The following ADAM9 variants were observed in gnomAD, a reference collection of about 807,000 sequenced individuals.
ADAM9 encodes the protein disintegrin and metalloproteinase domain-containing protein 9.
In ADAM9, 54 loss-of-function variants were observed where a neutral mutation model predicts 108.1. The observed-to-expected ratio is 0.50, with a 90% CI of 0.40 to 0.63. The LOEUF (loss-of-function observed/expected upper bound fraction) is 0.63. ADAM9 is among the 20% of genes least tolerant of loss of function. The pLI is 0.00. For synonymous variants in ADAM9, 316 were observed against 336.0 expected (o/e 0.94, Z 0.65); for missense variants, 830 against 997.7 (o/e 0.83, Z 2.26).
At chr8:39,011,923 C>G (rs532976167) in intron 3 of ADAM9, among the ~76,000 whole-genome samples, 39 of 152,274 alleles carry the variant, frequency 2.6e-4, no homozygotes, top group African/African-American at 8.7e-4. Context: ...CCAAGTACCT[C>G]CAGTTTATTC....
chr8:39,026,469 C>T (rs1836925510), intron 10 of ADAM9, among the ~76,000 whole-genome samples: 1 of 152,184 alleles, frequency 6.6e-6, no homozygotes, highest in Non-Finnish European at 1.5e-5. Context: ...TGACCTCTTG[C>T]TTGAAGGATC....
chr8:38,997,019 G>A lies in ADAM9; in HGVS notation c.-45G>A. Reference sequence around the variant, plus strand: ...TTGGAAAATGATGGAAGAGGCGGAGGTGGAGGCGACCGAGTGCTGAGAGGA... The same window carrying A: ...TTGGAAAATGATGGAAGAGGCGGAGATGGAGGCGACCGAGTGCTGAGAGGA... On this transcript the variant is annotated 5_prime_UTR_variant, in exon 1 of 22. The change creates a new upstream start codon in the 5' untranslated region. Transcript: ENST00000487273. The A allele has an allele frequency of 6.3e-7, 1 of 1,594,682 alleles. No homozygotes were observed. The highest frequency in any genetic ancestry group is 8.5e-7 in the Non-Finnish European group (1 of 1,175,618).
intron 14 of ADAM9, among the ~76,000 whole-genome samples, chr8:39,060,344 C>T (rs1208868017): frequency 6.6e-6 from 1 of 152,218 alleles, no homozygotes; most frequent in Non-Finnish European, 1.5e-5. Flanking sequence ...AGCAGCAGAG[C>T]ATCTTGCCTG....
chr8:39,025,030 A>G (rs904087403), intron 9 of ADAM9, among the ~76,000 whole-genome samples: 1 of 152,078 alleles, frequency 6.6e-6, no homozygotes, highest in Non-Finnish European at 1.5e-5. Flanking sequence ...CGGAGGGAAC[A>G]GGTGCTGAGG....
chr8:39,054,602 G>GA lies in ADAM9; in HGVS notation c.1395+49dup, dbSNP rs755442483. ...AGGAATTCCTCCCTTTTGGAAACAGGAAAAAAAAAAAAAAAAAAAAGAAAA... is the reference window on the plus strand; with the variant it reads ...AGGAATTCCTCCCTTTTGGAAACAGGAAAAAAAAAAAAAAAAAAAAAGAAAA... On this transcript the variant is annotated intron_variant, in intron 13 of 21. Coordinates refer to ENST00000487273, the MANE Select transcript of ADAM9 (RefSeq NM_003816.3). 0.29 allele frequency: 268,262 copies of GA among 930,938 alleles called. 11,673 individuals are homozygous for GA. Among genetic ancestry groups the GA allele is most frequent in the East Asian group, 0.36 (10,461 of 29,352 alleles). The allele number at this position is 930,938 out of a possible 1,614,324, so 57.7% of individuals were successfully genotyped here.
At chr8:39,044,051 T>C (rs1837535951) in intron 12 of ADAM9, among the ~76,000 whole-genome samples, 1 of 152,224 alleles carries the variant, frequency 6.6e-6, no homozygotes, top group Admixed American at 6.5e-5. Flanking sequence ...CTTTTCACTC[T>C]GTTGATTGCT....
rs563244375 is a variant in ADAM9 at position 39,045,292 on chromosome 8, G to A, written c.1302+3175G>A. Reference sequence around the variant, plus strand: ...TATACATACATATGTATATGTGTGTGTACACCTATACATGTGTGTGTACAC... The same window carrying A: ...TATACATACATATGTATATGTGTGTATACACCTATACATGTGTGTGTACAC... On this transcript the variant is annotated intron_variant, in intron 12 of 21. Transcript: ENST00000487273. 1.8e-3 allele frequency among the ~76,000 whole-genome samples: 185 copies of A among 103,346 alleles called. 6 individuals are homozygous for A. The highest frequency in any genetic ancestry group is 6.8e-3 in the African/African-American group (166 of 24,470). 67.8% of individuals were successfully genotyped at this position (103,346 alleles called of 152,430 possible).
In ADAM9 at chr8:39,025,830, A is replaced by G; in HGVS notation, c.942A>G (p.Gly314=). 6.2e-7 allele frequency: 1 copy of G among 1,614,166 alleles called. No homozygotes were observed. The highest frequency in any genetic ancestry group is 8.5e-7 in the Non-Finnish European group (1 of 1,180,026). Reference sequence around the variant, plus strand: ...AGAAAGGTTTTGGTGGAACTGCAGGAATGGCATTTGTGGGAACAGTGTGTT... The same window carrying G: ...AGAAAGGTTTTGGTGGAACTGCAGGGATGGCATTTGTGGGAACAGTGTGTT... ...VLKKGFGGTA[G]MAFVGTVCSR... Residue 314 remains glycine, a synonymous_variant, in exon 10 of 22, where the codon GGA becomes GGG. Transcript: ENST00000487273.
intron 12 of ADAM9, among the ~76,000 whole-genome samples, chr8:39,052,972 T>G (rs943897049): frequency 6.6e-6 from 1 of 152,186 alleles, no homozygotes; most frequent in Admixed American, 6.6e-5. Flanking sequence ...GAGTTCTAAT[T>G]GTTTCATATC....
chr8:39,003,896 C>G (rs116506507), intron 1 of ADAM9, among the ~76,000 whole-genome samples: 6,389 of 152,098 alleles, frequency 0.042, 459 homozygotes, highest in African/African-American at 0.15. Context: ...TACGTATAAT[C>G]TTCCTATATT....
At chr8:39,029,667 G>A (rs1837038215) in intron 11 of ADAM9, among the ~76,000 whole-genome samples, 1 of 152,186 alleles carries the variant, frequency 6.6e-6, no homozygotes, top group Non-Finnish European at 1.5e-5. Flanking sequence ...CCTTGATTCT[G>A]TTAACGTGGT....
In ADAM9 at chr8:39,040,588, A is replaced by G. The variant is rs201085709; in HGVS notation, c.1131-1358A>G. Among the ~76,000 whole-genome samples the G allele has an allele frequency of 7.2e-5, 11 of 152,326 alleles. No homozygotes were observed. The East Asian group carries it at 2.1e-3, about 29-fold the overall frequency. On this transcript the variant is annotated intron_variant, in intron 11 of 21. Transcript: ENST00000487273. ...TTAAAAAATATATTTTGGATATAAG[A>G]TACATGGTTATAAGATACACCTTAT...
intron 20 of ADAM9, among the ~76,000 whole-genome samples, chr8:39,092,262 A>C (rs1292529745): frequency 2.0e-5 from 3 of 151,970 alleles, no homozygotes; most frequent in Admixed American, 2.0e-4. Flanking sequence ...CTATCGATAG[A>C]TATAGCTGTG....
At chr8:39,034,852 G>GA (rs1040453400) in intron 11 of ADAM9, among the ~76,000 whole-genome samples, 2 of 151,708 alleles carry the variant, frequency 1.3e-5, no homozygotes, top group African/African-American at 4.8e-5. Context: ...GTTGTAGAAA[G>GA]AAAAAAATAT....
chr8:39,040,896 A>G (rs953816515), intron 11 of ADAM9, among the ~76,000 whole-genome samples: 5 of 152,222 alleles, frequency 3.3e-5, no homozygotes, highest in Admixed American at 2.6e-4. Context: ...GGATTTCTAC[A>G]TGCAAAAGAA....
At chr8:39,017,553 G>T in intron 6 of ADAM9, 139 bp downstream of exon 6, 1 of 802,810 alleles carries the variant, frequency 1.2e-6, no homozygotes, top group Non-Finnish European at 2.1e-6. Flanking sequence ...CATTGTGATA[G>T]GTACTAGGGG....
chr8:39,046,797 G>T lies in ADAM9; in HGVS notation c.1302+4680G>T, dbSNP rs190321100. 6.1e-3 allele frequency among the ~76,000 whole-genome samples: 917 copies of T among 151,214 alleles called. 14 individuals carry two copies. The highest frequency in any genetic ancestry group is 0.021 in the African/African-American group (871 of 41,136). On this transcript the variant is annotated intron_variant, in intron 12 of 21. Coordinates refer to ENST00000487273, the MANE Select transcript of ADAM9 (RefSeq NM_003816.3). Reference sequence around the variant, plus strand: ...TAAATTTTTTTTTTTTTGAGACAGGGTCTTACTGTTGCCCAGGCTGGACTG... The same window carrying T: ...TAAATTTTTTTTTTTTTGAGACAGGTTCTTACTGTTGCCCAGGCTGGACTG...
intron 13 of ADAM9, 27 bp downstream of exon 13, chr8:39,054,600 A>AT: frequency 1.0e-5 from 12 of 1,184,072 alleles, no homozygotes; most frequent in Admixed American, 2.2e-5. Flanking sequence ...TTTTGGAAAC[A>AT]GGAAAAAAAA....
intron 1 of ADAM9, among the ~76,000 whole-genome samples, chr8:39,000,596 G>C (rs1835964120): frequency 6.6e-6 from 1 of 151,742 alleles, no homozygotes; most frequent in Non-Finnish European, 1.5e-5. Context: ...TGAGTAGCTG[G>C]GACTGCAGGG....
Sources: allele counts gnomAD v4.1 joint callset (sites outside exome capture counted in the v4.1 genomes callset), GRCh38; gene constraint gnomAD v4.1.1; transcripts MANE v1.5; gene names NCBI Gene and HGNC (gene_info 2026-07-23, HGNC 2026-07-21).